PLEKHM1: variants seen among roughly 807,000 people sequenced by gnomAD.
The protein encoded by PLEKHM1 is pleckstrin homology domain-containing family M member 1.
In PLEKHM1, 28 loss-of-function variants were observed where a neutral mutation model predicts 94.3. The ratio of observed to expected loss-of-function variants is 0.30; its 90% CI spans 0.22 to 0.41. The LOEUF is 0.41. PLEKHM1 is among the 10% of genes least tolerant of loss of function. The pLI is 1.00. For synonymous variants in PLEKHM1, 424 were observed against 581.2 expected, an observed-to-expected ratio of 0.73 and a Z score of 3.89; for missense variants, 907 against 1,358.6, an observed-to-expected ratio of 0.67 and a Z score of 5.22.
rs138111811 is a variant in PLEKHM1, at chr17:45,489,328, G to A, written c.-42+1324C>T. Among the ~76,000 whole-genome samples, 1,353 of 152,256 alleles carry A rather than the reference G, an allele frequency of 8.9e-3. 18 individuals are homozygous for A. Among genetic ancestry groups the A allele is most frequent in the African/African-American group, 0.031 (1,280 of 41,528 alleles). ...ACTGATCTGCCATCAGCTCTGGCAG[G>A]GAGAGGCCCTTACAAGTGCCAAGAA... On this transcript the variant is annotated intron_variant, in intron 1 of 11. Coordinates refer to ENST00000430334, the MANE Select transcript of PLEKHM1 (RefSeq NM_014798.3).
At chr17:45,443,233 G>T (rs968242472) in intron 9 of PLEKHM1, among the ~76,000 whole-genome samples, 5 of 152,030 alleles carry the variant, frequency 3.3e-5, no homozygotes, top group Admixed American at 6.6e-5. Context: ...GCCAAGGCTG[G>T]ATCAGGTGCC....
intron 4 of PLEKHM1, among the ~76,000 whole-genome samples, chr17:45,470,455 C>A (rs1333656849): frequency 2.0e-5 from 3 of 152,268 alleles, no homozygotes; most frequent in Non-Finnish European, 4.4e-5. Context: ...ATAGTGAAAC[C>A]CTGTTTCTAA....
intron 2 of PLEKHM1, among the ~76,000 whole-genome samples, chr17:45,479,146 G>A (rs866594656): frequency 5.8e-4 from 89 of 152,158 alleles, no homozygotes; most frequent in African/African-American, 2.0e-3. Flanking sequence ...GGCCAAGGCA[G>A]GCGGATCACT....
intron 5 of PLEKHM1, among the ~76,000 whole-genome samples, chr17:45,466,396 T>C (rs2051322017): frequency 6.6e-6 from 1 of 152,170 alleles, no homozygotes; most frequent in East Asian, 1.9e-4. Flanking sequence ...AAAAGACTGA[T>C]AAACTGCACA....
At chr17:45,470,390 A>T (rs1245357311) in intron 4 of PLEKHM1, among the ~76,000 whole-genome samples, 1 of 152,276 alleles carries the variant, frequency 6.6e-6, no homozygotes, top group African/African-American at 2.4e-5. Context: ...AGCACTTTGG[A>T]GGCCAAGGCG....
chr17:45,486,171 C>T (rs1192700342), intron 1 of PLEKHM1, among the ~76,000 whole-genome samples: 22 of 144,844 alleles, frequency 1.5e-4, no homozygotes, highest in Non-Finnish European at 2.3e-4. Flanking sequence ...GAGCCGAGAT[C>T]CCGCCACTGC....
In PLEKHM1 at chr17:45,437,836, G is replaced by T. The variant is rs369977453; in HGVS notation, c.*22C>A. The T allele has an allele frequency of 5.1e-6, 8 of 1,579,342 alleles. No homozygotes were observed. Among genetic ancestry groups the T allele is most frequent in the Non-Finnish European group, 7.0e-6 (8 of 1,148,472 alleles). ...GAGCCACACTCACCCCCGGCTTTCA[G>T]AGCGGGGTCAGCAGATGGGCATCAG... On this transcript the variant is annotated 3_prime_UTR_variant, in exon 12 of 12. Coordinates refer to ENST00000430334, the MANE Select transcript of PLEKHM1 (RefSeq NM_014798.3). This position sits in a 1 kb window ranked among gnomAD's most constrained non-coding sequence, Gnocchi z 4.0.
chr17:45,483,742 C>T (rs992927728), intron 1 of PLEKHM1, among the ~76,000 whole-genome samples: 1 of 152,008 alleles, frequency 6.6e-6, no homozygotes, highest in African/African-American at 2.4e-5. Flanking sequence ...TTATTGTCTC[C>T]ACCTGACAGA....
At chr17:45,464,050 T>G (rs2145264481) in intron 5 of PLEKHM1, 1 of 152,240 alleles carries the variant, frequency 6.6e-6, no homozygotes, top group African/African-American at 2.4e-5. Flanking sequence ...CATGGGCAGG[T>G]GGTCCATGGG....
At position 45,437,896 on chromosome 17, in the gene PLEKHM1, G is replaced by A. The variant is rs770611722; in HGVS notation, c.3133C>T (p.Arg1045Cys). 9 of 1,613,948 alleles carry A rather than the reference G, an allele frequency of 5.6e-6. No homozygotes were observed. The highest frequency in any genetic ancestry group is 3.3e-5 in the Admixed American group (2 of 60,036). ...VVKKGCPRCA[R>C]RRKYQEQNIF... ...TTCTGTTCCTGGTACTTGCGCCGGC[G>A]GGCACAGCGGGGGCAGCCCTTCTTC... The change falls in exon 12 of 12, where the codon CGC becomes TGC. Residue 1045 changes from arginine to cysteine, a missense_variant. Physicochemically the swap from Arg to Cys is radical, Grantham distance 180. Coordinates refer to ENST00000430334, the MANE Select transcript of PLEKHM1 (RefSeq NM_014798.3). This position sits in a 1 kb window ranked among gnomAD's most constrained non-coding sequence, Gnocchi z 4.0.
chr17:45,484,563 G>T (rs1324262697), intron 1 of PLEKHM1, among the ~76,000 whole-genome samples: 1 of 152,202 alleles, frequency 6.6e-6, no homozygotes, highest in African/African-American at 2.4e-5. Flanking sequence ...ACTTCTGCCT[G>T]TAACTTGGAT....
chr17:45,477,814 C>T (rs1340874314), intron 3 of PLEKHM1, 86 bp downstream of exon 3: 9 of 1,531,516 alleles, frequency 5.9e-6, no homozygotes, highest in East Asian at 4.6e-5. Context: ...CCTCTGTTGG[C>T]TTCCTGAACA....
chr17:45,447,679 C>T (rs2050649638), intron 8 of PLEKHM1, among the ~76,000 whole-genome samples: 2 of 152,082 alleles, frequency 1.3e-5, no homozygotes, highest in Admixed American at 1.3e-4. Context: ...GCCCCAAACC[C>T]GTGGGCCCCC....
intron 9 of PLEKHM1, among the ~76,000 whole-genome samples, chr17:45,442,488 C>T (rs2050479486): frequency 6.6e-6 from 1 of 152,202 alleles, no homozygotes; most frequent in Admixed American, 6.5e-5. Flanking sequence ...TCACTCCAAC[C>T]TCTGCCTCCT....
chr17:45,448,295 C>T (rs906508082), intron 8 of PLEKHM1, among the ~76,000 whole-genome samples: 16 of 152,328 alleles, frequency 1.1e-4, no homozygotes, highest in South Asian at 6.2e-4. Context: ...AGAGCGAGGG[C>T]GGGGACAAGG....
intron 4 of PLEKHM1, among the ~76,000 whole-genome samples, chr17:45,474,444 A>T (rs1461750469): frequency 2.0e-5 from 3 of 151,944 alleles, no homozygotes; most frequent in African/African-American, 7.3e-5. Context: ...ACTCTTCCAC[A>T]CATCTGTCTG....
At chr17:45,476,344 T>C (rs1164051586) in intron 3 of PLEKHM1, among the ~76,000 whole-genome samples, 1 of 151,866 alleles carries the variant, frequency 6.6e-6, no homozygotes, top group Non-Finnish European at 1.5e-5. Context: ...GCAATGAAGA[T>C]GCAGGGTAAA....
Position 45,490,259 on chromosome 17 carries a change from G to A in PLEKHM1, c.-42+393C>T, listed in dbSNP as rs543303296. On this transcript the variant is annotated intron_variant, in intron 1 of 11. Coordinates refer to ENST00000430334, the MANE Select transcript of PLEKHM1 (RefSeq NM_014798.3). ...TGAATGGTGGGTCTCGGGGAGGTAAGCGCGGAGCATCGGGATTACCAGAGG... is the reference window on the plus strand; with the variant it reads ...TGAATGGTGGGTCTCGGGGAGGTAAACGCGGAGCATCGGGATTACCAGAGG... Among the ~76,000 whole-genome samples the A allele has an allele frequency of 2.6e-5, 4 of 152,156 alleles. No homozygotes were observed. In the East Asian group the frequency reaches 5.8e-4, roughly 22 times the overall value.
chr17:45,440,051 C>T, intron 10 of PLEKHM1, 112 bp downstream of exon 10: 1 of 1,026,976 alleles, frequency 9.7e-7, no homozygotes, highest in Admixed American at 1.8e-5. Context: ...AAGCTACAGA[C>T]TGCTGTCTTC....
Sources: gnomAD v4.1 joint callset for allele counts (sites outside exome capture counted in the v4.1 genomes callset) on GRCh38, gnomAD v4.1.1 for gene constraint, Gnocchi (gnomAD v3.1) non-coding constraint, MANE v1.5 for transcripts, NCBI Gene and HGNC (gene_info 2026-07-23, HGNC 2026-07-21) for gene names.